SPATA16: variants seen among roughly 807,000 people sequenced by gnomAD.
The protein encoded by SPATA16 is spermatogenesis associated 16.
A neutral mutation model predicts 63.3 loss-of-function variants in SPATA16; 36 were observed. The ratio of observed to expected loss-of-function variants is 0.57; its 90% CI spans 0.44 to 0.75. SPATA16 has a LOEUF of 0.75. Among genes scored for constraint, SPATA16 ranks in the 30% least tolerant of loss-of-function variants. SPATA16 has a pLI of 0.00. For missense variants in SPATA16, 646 were observed against 679.3 expected (o/e 0.95, Z 0.54); for synonymous variants, 203 against 216.7 (o/e 0.94, Z 0.56).
Position 173,042,251 on chromosome 3 carries a change from G to T in SPATA16, c.758+6698C>A, listed in dbSNP as rs142032507. 3.3e-5 allele frequency among the ~76,000 whole-genome samples: 5 copies of T among 151,988 alleles called. No homozygotes were observed. In the South Asian group the frequency reaches 8.3e-4, roughly 25 times the overall value. The stretch of plus-strand genomic sequence containing the variant: ...TTATTATTTTTTGAAACAGAGTCTC[G>T]CTCTGTCTCGCCCAGGCTGGAGTGC... On this transcript the variant is annotated intron_variant, in intron 3 of 10. Transcript: ENST00000351008.
At chr3:172,987,870 A>G (rs1313079989) in intron 4 of SPATA16, among the ~76,000 whole-genome samples, 1 of 152,174 alleles carries the variant, frequency 6.6e-6, no homozygotes, top group African/African-American at 2.4e-5. Flanking sequence ...TCAAAGCACA[A>G]TCTCAAGCCT....
chr3:172,961,105 C>T lies in SPATA16; in HGVS notation c.934-4281G>A, dbSNP rs200646319. Among the ~76,000 whole-genome samples the T allele has an allele frequency of 1.4e-4, 20 of 146,082 alleles. No homozygotes were observed. The East Asian group carries it at 1.4e-3, about 10-fold the overall frequency. On this transcript the variant is annotated intron_variant, in intron 5 of 10. Transcript: ENST00000351008. ...TCCTTCCTTCCTTCCTTCCTTCCTTCCTTCCTTCCTTCCTTCCTTCCTTTC... is the reference window on the plus strand; with the variant it reads ...TCCTTCCTTCCTTCCTTCCTTCCTTTCTTCCTTCCTTCCTTCCTTCCTTTC...
intron 3 of SPATA16, 149 bp downstream of exon 3, chr3:173,048,800 A>T: frequency 2.0e-6 from 2 of 989,402 alleles, no homozygotes; most frequent in East Asian, 2.6e-5. Flanking sequence ...GGTCTCCATG[A>T]TTGCCTCACT....
intron 3 of SPATA16, among the ~76,000 whole-genome samples, chr3:173,039,988 A>G (rs1348030764): frequency 2.0e-5 from 3 of 152,130 alleles, no homozygotes. Context: ...GAACATGCCT[A>G]TGATTAAAAG....
Position 172,925,337 on chromosome 3 carries a change from A to G in SPATA16, c.1228+9T>C. On this transcript the variant is annotated intron_variant, in intron 7 of 10. Transcript: ENST00000351008. ...TATATGCTAGACCTTGTAGGTTCAG[A>G]TGATTTACCTGTGAATATCGGCAGC... The G allele has an allele frequency of 6.2e-7, 1 of 1,613,842 alleles. No homozygotes were observed. The highest frequency in any genetic ancestry group is 1.1e-5 in the South Asian group (1 of 91,072).
chr3:172,911,240 C>T (rs78692132), intron 10 of SPATA16, among the ~76,000 whole-genome samples: 4,817 of 152,248 alleles, frequency 0.032, 253 homozygotes, highest in African/African-American at 0.11. Context: ...TACCCGCCTC[C>T]CCATCACTTC....
chr3:173,136,428 A>T (rs1385268124), intron 1 of SPATA16, among the ~76,000 whole-genome samples: 1 of 152,150 alleles, frequency 6.6e-6, no homozygotes, highest in Non-Finnish European at 1.5e-5. Context: ...TGACATAGGG[A>T]TGCAATGTGT....
chr3:173,048,860 A>C, intron 3 of SPATA16, 89 bp downstream of exon 3: 1 of 1,496,364 alleles, frequency 6.7e-7, no homozygotes, highest in Non-Finnish European at 9.3e-7. Flanking sequence ...TTAAATTGAA[A>C]TAAGATGGAA....
In SPATA16 at chr3:173,013,556, G is replaced by T. The variant is rs146661999; in HGVS notation, c.848+5930C>A. Among the ~76,000 whole-genome samples the T allele has an allele frequency of 3.9e-3, 600 of 152,324 alleles. 2 individuals are homozygous for T. Among genetic ancestry groups the T allele is most frequent in the African/African-American group, 0.013 (561 of 41,562 alleles). ...GCTAGCTTGAAGCAAGCTTACAGTGGCCTGAAAGCAGGGATACAGAGGCGG... is the reference window on the plus strand; with the variant it reads ...GCTAGCTTGAAGCAAGCTTACAGTGTCCTGAAAGCAGGGATACAGAGGCGG... On this transcript the variant is annotated intron_variant, in intron 4 of 10. Coordinates refer to ENST00000351008, the MANE Select transcript of SPATA16 (RefSeq NM_031955.6).
intron 3 of SPATA16, among the ~76,000 whole-genome samples, chr3:173,030,099 TATCTACC>T (rs1735568389): frequency 7.5e-6 from 1 of 133,662 alleles, no homozygotes; most frequent in Non-Finnish European, 1.6e-5. Context: ...TCTATCTATC[TATCTACC>T]CACCCACCTA....
At chr3:172,895,584 C>A (rs1018539086) in intron 10 of SPATA16, among the ~76,000 whole-genome samples, 10 of 152,070 alleles carry the variant, frequency 6.6e-5, no homozygotes, top group African/African-American at 2.4e-4. Flanking sequence ...TTTCTGCTTG[C>A]GTCAGCCTCC....
At chr3:173,020,008 A>G (rs1735286567) in intron 3 of SPATA16, among the ~76,000 whole-genome samples, 1 of 151,220 alleles carries the variant, frequency 6.6e-6, no homozygotes, top group Non-Finnish European at 1.5e-5. Context: ...AAAAAAAGGA[A>G]CTGGAGGCTG....
intron 2 of SPATA16, among the ~76,000 whole-genome samples, chr3:173,088,824 T>C (rs11921504): frequency 6.6e-6 from 1 of 152,300 alleles, no homozygotes; most frequent in East Asian, 1.9e-4. Context: ...CTTAAAAGCC[T>C]ACTGTGTTGT....
chr3:172,955,726 A>G (rs1201348084), intron 6 of SPATA16, among the ~76,000 whole-genome samples: 1 of 152,186 alleles, frequency 6.6e-6, no homozygotes, highest in African/African-American at 2.4e-5. Flanking sequence ...GCTTGATGGC[A>G]TGTTCACGGG....
chr3:173,066,920 A>G (rs1736535009), intron 2 of SPATA16, among the ~76,000 whole-genome samples: 1 of 152,154 alleles, frequency 6.6e-6, no homozygotes, highest in Admixed American at 6.5e-5. Context: ...GAACTTTAAG[A>G]TAACACAGGA....
Position 172,889,688 on chromosome 3 carries a change from C to T in SPATA16, c.1592G>A (p.Gly531Glu). 6.2e-7 allele frequency: 1 copy of T among 1,612,800 alleles called. No individual in the cohort carries two copies. The highest frequency in any genetic ancestry group is 2.2e-5 in the East Asian group (1 of 44,864). Residue 531 changes from glycine (G) to glutamate (E), a missense_variant, in exon 11 of 11, where the codon GGA (glycine) becomes GAA (glutamate). Physicochemically the swap from Gly to Glu is moderately conservative, Grantham distance 98. Coordinates refer to ENST00000351008, the MANE Select transcript of SPATA16 (RefSeq NM_031955.6). ...ERVWNMIQKV[G>E]QIEDFLYQLE... ...TTGGTATAGAAAATCTTCAATTTGTCCAACCTAGAAGAAATAAACAGATGC... is the reference window on the plus strand; with the variant it reads ...TTGGTATAGAAAATCTTCAATTTGTTCAACCTAGAAGAAATAAACAGATGC...
intron 10 of SPATA16, among the ~76,000 whole-genome samples, chr3:172,894,661 A>G (rs562138884): frequency 6.6e-5 from 10 of 152,340 alleles, no homozygotes; most frequent in African/African-American, 1.9e-4. Flanking sequence ...CCAAATTCAT[A>G]TGTTGAAATT....
chr3:173,122,528 A>G (rs2108341241), intron 1 of SPATA16, among the ~76,000 whole-genome samples: 1 of 152,332 alleles, frequency 6.6e-6, no homozygotes, highest in African/African-American at 2.4e-5. Context: ...AAAAAGATCT[A>G]ATTTTAACTT....
intron 6 of SPATA16, among the ~76,000 whole-genome samples, chr3:172,953,052 C>A (rs527876982): frequency 4.9e-4 from 74 of 151,582 alleles, no homozygotes; most frequent in African/African-American, 1.7e-3. Flanking sequence ...CTACATAATT[C>A]TTTTAATTAG....
Sources: allele counts gnomAD v4.1 joint callset (sites outside exome capture counted in the v4.1 genomes callset), GRCh38; gene constraint gnomAD v4.1.1; transcripts MANE v1.5; gene names NCBI Gene and HGNC (gene_info 2026-07-23, HGNC 2026-07-21).